The following SETDB1 variants were observed in gnomAD, a reference collection of about 807,000 sequenced individuals.
The protein encoded by SETDB1 is histone-lysine N-methyltransferase SETDB1.
In SETDB1, 31 loss-of-function variants were observed where a neutral mutation model predicts 137.4. That is an observed-to-expected ratio of 0.23 (90% confidence interval 0.17 to 0.30). SETDB1 has a LOEUF of 0.30. SETDB1 is among the 10% of genes least tolerant of loss of function. SETDB1 has a pLI of 1.00. For missense variants in SETDB1, 1,113 were observed against 1,631.5 expected (o/e 0.68, Z 5.47); for synonymous variants, 548 against 579.9 (o/e 0.95, Z 0.79).
At chr1:150,942,223 G>C (rs1276230568) in intron 5 of SETDB1, among the ~76,000 whole-genome samples, 1 of 151,662 alleles carries the variant, frequency 6.6e-6, no homozygotes, top group African/African-American at 2.4e-5. Flanking sequence ...GGCGGATCAT[G>C]AGGTCAAAAG....
At chr1:150,957,193 G>A (rs1403690952) in intron 14 of SETDB1, among the ~76,000 whole-genome samples, 1 of 151,900 alleles carries the variant, frequency 6.6e-6, no homozygotes, top group Non-Finnish European at 1.5e-5. Flanking sequence ...GGCCAACATG[G>A]TAAAACCCTG....
chr1:150,963,332 T>C (rs1462982169), intron 19 of SETDB1, 193 bp downstream of exon 19: 3 of 731,080 alleles, frequency 4.1e-6, no homozygotes, highest in Non-Finnish European at 2.3e-6. Flanking sequence ...TTTTTTACTC[T>C]TTCCCCTCAG....
At chr1:150,959,129 G>T (rs1333424958) in intron 14 of SETDB1, 49 bp from the exon 15 acceptor site, 4 of 1,317,908 alleles carry the variant, frequency 3.0e-6, no homozygotes, top group Admixed American at 2.8e-5. Flanking sequence ...GGATTTTTTT[G>T]TGCTCTAGTG....
chr1:150,943,793 G>A (rs988680673), intron 7 of SETDB1, 127 bp from the exon 8 acceptor site: 2 of 615,586 alleles, frequency 3.2e-6, no homozygotes, highest in Non-Finnish European at 2.9e-6. Flanking sequence ...GTAGTGGACT[G>A]GATTGTCTTC....
intron 3 of SETDB1, among the ~76,000 whole-genome samples, chr1:150,937,498 G>C (rs1340711604): frequency 6.6e-6 from 1 of 152,024 alleles, no homozygotes; most frequent in Non-Finnish European, 1.5e-5. Context: ...TTTGCTTACG[G>C]TCCTGGCTAC....
intron 9 of SETDB1, 89 bp downstream of exon 9, chr1:150,945,197 A>G (rs1419354682): frequency 1.3e-6 from 2 of 1,565,754 alleles, no homozygotes. Context: ...TAGCTATTCC[A>G]TAGCCTTCCT....
intron 3 of SETDB1, among the ~76,000 whole-genome samples, chr1:150,938,387 G>A (rs368619007): frequency 6.6e-6 from 1 of 152,128 alleles, no homozygotes; most frequent in African/African-American, 2.4e-5. Flanking sequence ...AGGGAGGAAT[G>A]AGAAATGACT....
rs375142314 is a variant in SETDB1, at chr1:150,963,093, C to T, written c.3414C>T (p.Ser1138=). 34 of 1,614,018 alleles carry T rather than the reference C, an allele frequency of 2.1e-5. No homozygotes were observed. Among genetic ancestry groups the T allele is most frequent in the African/African-American group, 4.0e-5 (3 of 74,926 alleles). ...ACAGTGATGATATCCAGACCATATCCTCTGGCTCTGAAGGGGATGACTTTG... is the reference window on the plus strand; with the variant it reads ...ACAGTGATGATATCCAGACCATATCTTCTGGCTCTGAAGGGGATGACTTTG... ...AVDSDDIQTI[S]SGSEGDDFED... Residue 1138 remains serine, a synonymous_variant, in exon 19 of 22, where the codon TCC becomes TCT. Coordinates refer to ENST00000692827, the MANE Select transcript of SETDB1 (RefSeq NM_001366418.1).
intron 15 of SETDB1, 62 bp from the exon 16 acceptor site, chr1:150,960,501 C>CAAAAA: frequency 1.1e-6 from 1 of 893,840 alleles, no homozygotes. Context: ...AAAAAGCAAA[C>CAAAAA]AAAAAAAAAA....
Position 150,961,307 on chromosome 1 carries a change from C to T in SETDB1, c.3132+116C>T, listed in dbSNP as rs1178608419. ...TTCTACTTGATGGATATTTCTGTGGCCACCTCGTTATCTCTCCCCCTAACT... is the reference window on the plus strand; with the variant it reads ...TTCTACTTGATGGATATTTCTGTGGTCACCTCGTTATCTCTCCCCCTAACT... On this transcript the variant is annotated intron_variant, in intron 16 of 21. Coordinates refer to ENST00000692827, the MANE Select transcript of SETDB1 (RefSeq NM_001366418.1). 1.0e-5 allele frequency: 11 copies of T among 1,100,450 alleles called. No individual in the cohort carries two copies. The East Asian group carries it at 1.8e-4, about 18-fold the overall frequency. The allele number at this position is 1,100,450 out of a possible 1,614,324, so 68.2% of individuals were successfully genotyped here.
At chr1:150,927,644 C>T (rs1229438918) in intron 1 of SETDB1, 60 bp from the exon 2 acceptor site, 1 of 1,476,026 alleles carries the variant, frequency 6.8e-7, no homozygotes, top group Non-Finnish European at 9.3e-7. Flanking sequence ...AACTGAAATT[C>T]TCTATTGATT....
At chr1:150,938,241 G>C (rs1229127584) in intron 3 of SETDB1, among the ~76,000 whole-genome samples, 1 of 148,584 alleles carries the variant, frequency 6.7e-6, no homozygotes, top group Non-Finnish European at 1.5e-5. Flanking sequence ...AAGGAATGAA[G>C]TACTGATACG....
chr1:150,926,646 G>A, intron 1 of SETDB1, 129 bp downstream of exon 1: 1 of 476,732 alleles, frequency 2.1e-6, no homozygotes, highest in South Asian at 1.5e-5. Flanking sequence ...GGCTGAACTG[G>A]GTTTGCGAAT....
At position 150,964,008 on chromosome 1, in the gene SETDB1, C is replaced by G. The variant is rs1272037474; in HGVS notation, c.3686C>G (p.Pro1229Arg). The G allele has an allele frequency of 6.2e-7, 1 of 1,614,108 alleles. No homozygotes were observed. The highest frequency in any genetic ancestry group is 1.7e-5 in the Admixed American group (1 of 60,018). Residue 1229 changes from proline to arginine, a missense_variant, in exon 21 of 22, where the codon CCC becomes CGC. Pro to Arg is a moderately radical substitution (Grantham distance 103, BLOSUM62 -2). Coordinates refer to ENST00000692827, the MANE Select transcript of SETDB1 (RefSeq NM_001366418.1). Reference protein sequence around the residue: ...LGRYLNHSCSPNLFVQNVFVD... With the variant: ...LGRYLNHSCSRNLFVQNVFVD... ...TTAAACCTACAGCACAGTTGCAGCCCCAACCTGTTTGTCCAGAATGTCTTC... is the reference window on the plus strand; with the variant it reads ...TTAAACCTACAGCACAGTTGCAGCCGCAACCTGTTTGTCCAGAATGTCTTC...
At chr1:150,944,110 G>A in intron 8 of SETDB1, 117 bp downstream of exon 8, 1 of 772,912 alleles carries the variant, frequency 1.3e-6, no homozygotes, top group South Asian at 1.5e-5. Flanking sequence ...AAGAGCATAA[G>A]TTTGGTTGAT....
chr1:150,954,765 A>C (rs1430381574), intron 14 of SETDB1, among the ~76,000 whole-genome samples: 1 of 152,224 alleles, frequency 6.6e-6, no homozygotes, highest in Non-Finnish European at 1.5e-5. Context: ...CGGGCAAACT[A>C]TCAATTTGGT....
At chr1:150,947,850 A>G in intron 10 of SETDB1, among the ~76,000 whole-genome samples, 1 of 152,138 alleles carries the variant, frequency 6.6e-6, no homozygotes, top group East Asian at 1.9e-4. Flanking sequence ...TTTCCTGCCA[A>G]AATTAGTTGG....
chr1:150,927,050 A>G (rs953074987), intron 1 of SETDB1, among the ~76,000 whole-genome samples: 7 of 152,240 alleles, frequency 4.6e-5, no homozygotes, highest in Admixed American at 1.3e-4. Context: ...AAGATTTATC[A>G]CATTAGTTAA....
Position 150,962,621 on chromosome 1 carries a change from CCTT to C in SETDB1, c.3199_3201del (p.Ser1067del), listed in dbSNP as rs756197470. 2.7e-5 allele frequency: 44 copies of C among 1,613,854 alleles called. No homozygotes were observed. The highest frequency in any genetic ancestry group is 1.1e-4 in the East Asian group (5 of 44,904). On this transcript the variant is annotated inframe_deletion, in exon 18 of 22. Coordinates refer to ENST00000692827, the MANE Select transcript of SETDB1 (RefSeq NM_001366418.1). ...AAGCTCTCGAAATTACGGTTACAATCCTTCTCCTGTGAAGCCTGAAGGACTTCG... is the reference window on the plus strand; with the variant it reads ...AAGCTCTCGAAATTACGGTTACAATCCTCCTGTGAAGCCTGAAGGACTTCG...
Sources: gnomAD v4.1 joint callset for allele counts (sites outside exome capture counted in the v4.1 genomes callset) on GRCh38, gnomAD v4.1.1 for gene constraint, MANE v1.5 for transcripts, NCBI Gene and HGNC (gene_info 2026-07-23, HGNC 2026-07-21) for gene names.